Variants in OTOGL observed in about 807,000 individuals in gnomAD.
OTOGL encodes otogelin-like protein.
A neutral mutation model predicts 318.5 loss-of-function variants in OTOGL; 285 were observed. The ratio of observed to expected loss-of-function variants is 0.89; its 90% CI spans 0.81 to 0.99. The LOEUF (loss-of-function observed/expected upper bound fraction) is 0.99, where lower values mean the gene tolerates loss of function less well. Ranked by LOEUF, OTOGL falls within the 50% of genes least tolerant of loss-of-function variation. The pLI, the probability that OTOGL is intolerant of heterozygous loss-of-function variation, is 0.00. For missense variants in OTOGL, 2,899 were observed against 2,845.6 expected, an observed-to-expected ratio of 1.02 and a Z score of -0.43; for synonymous variants, 987 against 936.5, an observed-to-expected ratio of 1.05 and a Z score of -0.99.
chr12:80,297,005 G>A, intron 27 of OTOGL, 44 bp downstream of exon 27: 2 of 1,413,626 alleles, frequency 1.4e-6, no homozygotes, highest in Non-Finnish European at 1.9e-6. Context: ...CTTGTCCTGA[G>A]GATACTGAAA....
chr12:80,113,295 T>G (rs1854543417), intron 1 of OTOGL, among the ~76,000 whole-genome samples: 1 of 152,196 alleles, frequency 6.6e-6, no homozygotes, highest in African/African-American at 2.4e-5. Flanking sequence ...TTCTTCTAGC[T>G]TTTGAATTTG....
At chr12:80,252,438 CATGAGAAATCT>C (rs1295214213) in intron 13 of OTOGL, among the ~76,000 whole-genome samples, 1 of 152,136 alleles carries the variant, frequency 6.6e-6, no homozygotes, top group Non-Finnish European at 1.5e-5. Context: ...TGAAGTTACC[CATGAGAAATCT>C]TTTGTTCGAT....
chr12:80,310,585 T>C (rs776711184), intron 29 of OTOGL, 26 bp from the exon 30 acceptor site: 1 of 1,502,668 alleles, frequency 6.7e-7, no homozygotes, highest in East Asian at 2.3e-5. Context: ...TGAAAACTTC[T>C]TTTCTCTCTT....
intron 4 of OTOGL, among the ~76,000 whole-genome samples, chr12:80,216,866 G>A (rs1021225290): frequency 1.3e-5 from 2 of 152,046 alleles, no homozygotes; most frequent in Non-Finnish European, 2.9e-5. Context: ...GTTAATGGGT[G>A]CAGCACACCA....
Position 80,187,443 on chromosome 12 carries a change from A to G in OTOGL, c.-19-21970A>G, listed in dbSNP as rs557197076. Among the ~76,000 whole-genome samples, 50 of 152,296 alleles carry G rather than the reference A, an allele frequency of 3.3e-4. No homozygotes were observed. In the South Asian group the frequency reaches 9.5e-3, roughly 29 times the overall value. On this transcript the variant is annotated intron_variant, in intron 1 of 58. Coordinates refer to ENST00000547103, the MANE Select transcript of OTOGL (RefSeq NM_001378609.3). ...GGATGACACGAAGCCCAGGAAGAGT[A>G]ATACATTTTTAAGAAAGGACGACAG...
At chr12:80,157,032 G>C (rs1435470578) in intron 1 of OTOGL, among the ~76,000 whole-genome samples, 1 of 152,110 alleles carries the variant, frequency 6.6e-6, no homozygotes, top group Non-Finnish European at 1.5e-5. Flanking sequence ...CTCCATAGTG[G>C]TTGTACTGAT....
chr12:80,257,734 C>G, intron 17 of OTOGL, 91 bp from the exon 18 acceptor site: 1 of 1,189,210 alleles, frequency 8.4e-7, no homozygotes, highest in Non-Finnish European at 1.1e-6. Context: ...TCCCTGGTAT[C>G]TGGGGAAGAG....
chr12:80,101,805 A>G (rs1869155834), intron 1 of OTOGL, among the ~76,000 whole-genome samples: 1 of 152,218 alleles, frequency 6.6e-6, no homozygotes, highest in Non-Finnish European at 1.5e-5. Flanking sequence ...ACTTGAGCCC[A>G]CACCATACCT....
At chr12:80,109,828 T>A (rs1381584242) in intron 1 of OTOGL, among the ~76,000 whole-genome samples, 3 of 152,116 alleles carry the variant, frequency 2.0e-5, no homozygotes. Context: ...GTATTTAGAA[T>A]AAGAAAAGAA....
intron 1 of OTOGL, among the ~76,000 whole-genome samples, chr12:80,162,878 A>AT (rs1479546013): frequency 4.6e-5 from 7 of 151,974 alleles, no homozygotes; most frequent in African/African-American, 1.5e-4. Context: ...CATATGACTC[A>AT]TGCACCCCTT....
At chr12:80,150,026 C>T (rs1300563278) in intron 1 of OTOGL, among the ~76,000 whole-genome samples, 4 of 152,102 alleles carry the variant, frequency 2.6e-5, no homozygotes, top group African/African-American at 4.8e-5. Context: ...GCGTCGCTCA[C>T]GCTGGGAGCT....
At chr12:80,150,147 C>G (rs576465619) in intron 1 of OTOGL, among the ~76,000 whole-genome samples, 6 of 152,316 alleles carry the variant, frequency 3.9e-5, no homozygotes, top group South Asian at 4.1e-4. Flanking sequence ...GGACTTTGCT[C>G]TCTCTCAAAT....
intron 1 of OTOGL, among the ~76,000 whole-genome samples, chr12:80,165,945 T>A (rs1873802298): frequency 6.6e-6 from 1 of 152,234 alleles, no homozygotes; most frequent in African/African-American, 2.4e-5. Context: ...GTCAGGACCC[T>A]GGCTGATACA....
intron 44 of OTOGL, among the ~76,000 whole-genome samples, chr12:80,345,600 A>T (rs1889147015): frequency 6.6e-6 from 1 of 152,206 alleles, no homozygotes; most frequent in African/African-American, 2.4e-5. Flanking sequence ...AAGAAAAGAT[A>T]AAAAGTAAAA....
intron 1 of OTOGL, among the ~76,000 whole-genome samples, chr12:80,148,458 C>T (rs1163725950): frequency 6.7e-6 from 1 of 148,848 alleles, no homozygotes; most frequent in Non-Finnish European, 1.5e-5. Context: ...TGAGGGTAAC[C>T]CGACCTTTCT....
chr12:80,200,248 G>T (rs1331942582), intron 1 of OTOGL, among the ~76,000 whole-genome samples: 2 of 152,204 alleles, frequency 1.3e-5, no homozygotes, highest in African/African-American at 4.8e-5. Flanking sequence ...GTGCCAAGGA[G>T]TAGTTAAGAG....
At chr12:80,374,551 T>G (rs907451277) in intron 57 of OTOGL, among the ~76,000 whole-genome samples, 2 of 152,114 alleles carry the variant, frequency 1.3e-5, no homozygotes, top group Non-Finnish European at 2.9e-5. Context: ...ATTCTCTAAA[T>G]CAAATATAAA....
At chr12:80,121,772 T>C (rs1389588514) in intron 1 of OTOGL, among the ~76,000 whole-genome samples, 2 of 152,148 alleles carry the variant, frequency 1.3e-5, no homozygotes, top group African/African-American at 4.8e-5. Flanking sequence ...AAACCCATAG[T>C]GGGAGGTTCT....
Position 80,296,872 on chromosome 12 carries a change from T to C in OTOGL, c.2974T>C (p.Cys992Arg). The C allele has an allele frequency of 6.5e-7, 1 of 1,529,126 alleles. No homozygotes were observed. Among genetic ancestry groups the C allele is most frequent in the South Asian group, 1.2e-5 (1 of 83,408 alleles). 94.7% of individuals were successfully genotyped at this position (1,529,126 alleles called of 1,614,324 possible). A position where few individuals can be genotyped will look rare whatever the true frequency, so the allele number is the denominator to read the frequency against. ...ATCTGTCATTGCCCAGAACAAGAAATGCTTTGACAACGATATTGTTTGTTC... is the reference window on the plus strand; with the variant it reads ...ATCTGTCATTGCCCAGAACAAGAAACGCTTTGACAACGATATTGTTTGTTC... ...DISVIAQNKK[C>R]FDNDIVCSKS... Residue 992 changes from cysteine to arginine, a missense_variant, in exon 27 of 59, where the codon TGC becomes CGC. This residue lies in a region of OTOGL where 2,607 missense variants were observed against 2,524.9 expected (regional missense o/e 1.03). Coordinates refer to ENST00000547103, the MANE Select transcript of OTOGL (RefSeq NM_001378609.3).
Sources: gnomAD v4.1 joint callset for allele counts (sites outside exome capture counted in the v4.1 genomes callset) on GRCh38, gnomAD v4.1.1 for gene constraint, gnomAD v4.1.1 regional missense constraint, MANE v1.5 for transcripts, NCBI Gene and HGNC (gene_info 2026-07-23, HGNC 2026-07-21) for gene names.